USP8: variants seen among roughly 807,000 people sequenced by gnomAD.
USP8 encodes the protein ubiquitin specific peptidase 8, also known as ubiquitin carboxyl-terminal hydrolase 8.
In USP8, 27 loss-of-function variants were observed where a neutral mutation model predicts 130.0. That is an observed-to-expected ratio of 0.21 (90% confidence interval 0.15 to 0.29). The LOEUF (loss-of-function observed/expected upper bound fraction) is 0.29. USP8 is among the 10% of genes least tolerant of loss of function. USP8 has a pLI of 1.00. For missense variants in USP8, 1,029 were observed against 1,312.2 expected (o/e 0.78, Z 3.33); for synonymous variants, 392 against 444.1 (o/e 0.88, Z 1.48).
intron 1 of USP8, among the ~76,000 whole-genome samples, chr15:50,433,722 C>T (rs1468780423): frequency 6.6e-6 from 1 of 152,164 alleles, no homozygotes; most frequent in Non-Finnish European, 1.5e-5. Flanking sequence ...TCTCCTGCCT[C>T]AGCCTCCTGA....
chr15:50,498,807 G>T, intron 19 of USP8, 79 bp downstream of exon 19: 1 of 1,549,568 alleles, frequency 6.5e-7, no homozygotes, highest in South Asian at 1.2e-5. Context: ...CTACCTCATG[G>T]AAGAGTAAGA....
chr15:50,468,156 G>A (rs1268717878), intron 7 of USP8, among the ~76,000 whole-genome samples: 2 of 150,218 alleles, frequency 1.3e-5, no homozygotes, highest in African/African-American at 2.5e-5. Flanking sequence ...GGCTGGTCTC[G>A]AACTCCTGAC....
rs2052623481 is a variant in USP8 at position 50,503,893 on chromosome 15, A to C, written c.*4805A>C. Reference sequence around the variant, plus strand: ...AAGAGTCAGAAGGCAATAAGATTTAAACCCCCAAGGACTTTAGATAATAGA... The same window carrying C: ...AAGAGTCAGAAGGCAATAAGATTTACACCCCCAAGGACTTTAGATAATAGA... On this transcript the variant is annotated 3_prime_UTR_variant, in exon 20 of 20. Coordinates refer to ENST00000307179, the MANE Select transcript of USP8 (RefSeq NM_005154.5). The C allele has an allele frequency of 6.6e-6, 1 of 152,220 alleles. No homozygotes were observed. The highest frequency in any genetic ancestry group is 2.4e-5 in the African/African-American group (1 of 41,460). 9.4% of individuals were successfully genotyped at this position (152,220 alleles called of 1,614,324 possible).
At chr15:50,443,258 A>G (rs958859766) in intron 3 of USP8, among the ~76,000 whole-genome samples, 1 of 146,968 alleles carries the variant, frequency 6.8e-6, no homozygotes, top group African/African-American at 2.4e-5. Flanking sequence ...CCCAGCTGGT[A>G]TCGAACTCCT....
chr15:50,501,059 TAAAG>T lies in USP8; in HGVS notation c.*1977_*1980del, dbSNP rs373029715. ...GTGCCCATTGACTATCATCTGTGAA[TAAAG>T]AAAGACAATATTTAGCAGCATCTGA... On this transcript the variant is annotated 3_prime_UTR_variant, in exon 20 of 20. Coordinates refer to ENST00000307179, the MANE Select transcript of USP8 (RefSeq NM_005154.5). 9.8e-4 allele frequency: 472 copies of T among 483,864 alleles called. 1 individual carries two copies. The highest frequency in any genetic ancestry group is 7.4e-3 in the East Asian group (208 of 28,040). The allele number at this position is 483,864 out of a possible 1,614,324, so 30.0% of individuals were successfully genotyped here.
rs1566899503 is a variant in USP8 at position 50,502,212 on chromosome 15, ATTC to A, written c.*3129_*3131del. 1 of 149,526 alleles carries A rather than the reference ATTC, an allele frequency of 6.7e-6. No homozygotes were observed. Among genetic ancestry groups the A allele is most frequent in the African/African-American group, 2.5e-5 (1 of 40,352 alleles). The allele number at this position is 149,526 out of a possible 1,614,324, so 9.3% of individuals were successfully genotyped here. Reference sequence around the variant, plus strand: ...AACCTCCGCCTCCCAGGTTCAAGCAATTCTTCTGCCTCAGCCTTCCAAGTAGCT... The same window carrying A: ...AACCTCCGCCTCCCAGGTTCAAGCAATTCTGCCTCAGCCTTCCAAGTAGCT... On this transcript the variant is annotated 3_prime_UTR_variant, in exon 20 of 20. Coordinates refer to ENST00000307179, the MANE Select transcript of USP8 (RefSeq NM_005154.5).
At position 50,495,950 on chromosome 15, in the gene USP8, A is replaced by G. The variant is rs147249505; in HGVS notation, c.2761A>G (p.Ile921Val). 81 of 1,613,712 alleles carry G rather than the reference A, an allele frequency of 5.0e-5. No homozygotes were observed. The highest frequency in any genetic ancestry group is 3.6e-4 in the South Asian group (33 of 91,076). The change falls in exon 17 of 20, where the codon ATT (isoleucine) becomes GTT (valine). Residue 921 changes from isoleucine to valine, a missense_variant. Ile to Val is a conservative substitution (Grantham distance 29, BLOSUM62 3). Coordinates refer to ENST00000307179, the MANE Select transcript of USP8 (RefSeq NM_005154.5). ...WQKHKQLNES[I>V]IVALFQGQFK... is the part of the protein sequence containing the mutation. ...GAAACACAAGCAGCTCAATGAGTCTATTATTGTTGCACTTTTTCAGGGTCA... is the reference window on the plus strand; with the variant it reads ...GAAACACAAGCAGCTCAATGAGTCTGTTATTGTTGCACTTTTTCAGGGTCA...
intron 1 of USP8, among the ~76,000 whole-genome samples, chr15:50,426,005 C>T (rs936688281): frequency 2.0e-5 from 3 of 152,160 alleles, no homozygotes; most frequent in Non-Finnish European, 4.4e-5. Context: ...CCTGTAGTCC[C>T]AGCTACTCTG....
At position 50,506,036 on chromosome 15, in the gene USP8, G is replaced by C. The variant is rs1444531167; in HGVS notation, c.*6948G>C. Reference sequence around the variant, plus strand: ...CTAAGAGCTTTCCATTTCTTTGGGAGCAGAGTATAAAGATCTTGATTAACT... The same window carrying C: ...CTAAGAGCTTTCCATTTCTTTGGGACCAGAGTATAAAGATCTTGATTAACT... On this transcript the variant is annotated 3_prime_UTR_variant, in exon 20 of 20. Coordinates refer to ENST00000307179, the MANE Select transcript of USP8 (RefSeq NM_005154.5). 3 of 152,196 alleles carry C rather than the reference G, an allele frequency of 2.0e-5. No homozygotes were observed. Among genetic ancestry groups the C allele is most frequent in the African/African-American group, 4.8e-5 (2 of 41,440 alleles). 9.4% of individuals were successfully genotyped at this position (152,196 alleles called of 1,614,324 possible).
At chr15:50,491,051 A>G (rs1044466638) in intron 14 of USP8, among the ~76,000 whole-genome samples, 4 of 152,098 alleles carry the variant, frequency 2.6e-5, no homozygotes, top group Non-Finnish European at 4.4e-5. Flanking sequence ...ATATTGACCA[A>G]TAGGTTAGGT....
intron 9 of USP8, 105 bp downstream of exon 9, chr15:50,477,098 A>G (rs751568092): frequency 4.1e-6 from 6 of 1,460,514 alleles, no homozygotes; most frequent in Non-Finnish European, 5.5e-6. Flanking sequence ...CCTATTAGAG[A>G]GCAGTTTGTT....
chr15:50,451,444 A>T (rs2050627022), intron 4 of USP8, among the ~76,000 whole-genome samples: 1 of 152,198 alleles, frequency 6.6e-6, no homozygotes, highest in Non-Finnish European at 1.5e-5. Context: ...TTATAAAGGA[A>T]GTCATTAAGA....
chr15:50,496,115 T>C (rs760332507), intron 17 of USP8, 31 bp downstream of exon 17: 1 of 1,523,000 alleles, frequency 6.6e-7, no homozygotes, highest in South Asian at 1.2e-5. Context: ...GAAAATGATT[T>C]ATTGGATAAA....
chr15:50,479,969 C>A (rs920605405), intron 10 of USP8, among the ~76,000 whole-genome samples: 5 of 152,042 alleles, frequency 3.3e-5, no homozygotes, highest in African/African-American at 9.7e-5. Context: ...CCATGTTGCC[C>A]AGGCTGGTCT....
In USP8 at chr15:50,441,380, A is replaced by G. The variant is rs2050255095; in HGVS notation, c.136A>G (p.Thr46Ala). 1.9e-6 allele frequency: 3 copies of G among 1,603,780 alleles called. No individual in the cohort carries two copies. Among genetic ancestry groups the G allele is most frequent in the Non-Finnish European group, 1.7e-6 (2 of 1,177,888 alleles). Residue 46 changes from threonine to alanine, a missense_variant, in exon 3 of 20, where the codon ACA (threonine) becomes GCA (alanine). Transcript: ENST00000307179. ...YVHSALKIFK[T>A]AEECRLDRDE... Reference sequence around the variant, plus strand: ...GCACAGTGCCCTGAAGATCTTTAAGACAGCAGAAGAATGCAGATTAGATCG... The same window carrying G: ...GCACAGTGCCCTGAAGATCTTTAAGGCAGCAGAAGAATGCAGATTAGATCG...
Position 50,492,747 on chromosome 15 carries a change from C to T in USP8, c.2281C>T (p.Gln761Ter). The change falls in exon 15 of 20, where the codon CAG becomes TAG. Residue 761 changes from glutamine (Q) to a stop codon, truncating the protein, a stop_gained. Transcript: ENST00000307179. LOFTEE classifies it high-confidence loss of function. ...TGAGATCTCAAGGCTTTCTGCTTCT[C>T]AGATTCGGAACCTCAATCCTGTTTT... ...KAEISRLSAS[Q>*]IRNLNPVFGG... 1 of 1,614,162 alleles carries T rather than the reference C, an allele frequency of 6.2e-7. No individual in the cohort carries two copies. Among genetic ancestry groups the T allele is most frequent in the Non-Finnish European group, 8.5e-7 (1 of 1,180,024 alleles).
chr15:50,463,488 A>C (rs1216448711), intron 6 of USP8: 1 of 152,258 alleles, frequency 6.6e-6, no homozygotes, highest in Admixed American at 6.5e-5. Context: ...AATTATAGGT[A>C]ACAGTAAAAT....
intron 6 of USP8, among the ~76,000 whole-genome samples, chr15:50,462,638 A>C (rs912752600): frequency 1.3e-5 from 2 of 152,216 alleles, no homozygotes; most frequent in East Asian, 1.9e-4. Flanking sequence ...GGTTAAGAGC[A>C]TGGACTCTCA....
At chr15:50,446,283 C>T (rs2050440362) in intron 3 of USP8, among the ~76,000 whole-genome samples, 3 of 152,066 alleles carry the variant, frequency 2.0e-5, no homozygotes, top group Admixed American at 6.6e-5. Context: ...TAACTGTGCT[C>T]CTTTAAGAGC....
Sources: gnomAD v4.1 joint callset for allele counts (sites outside exome capture counted in the v4.1 genomes callset) on GRCh38, gnomAD v4.1.1 for gene constraint, MANE v1.5 for transcripts, NCBI Gene and HGNC (gene_info 2026-07-23, HGNC 2026-07-21) for gene names.